The following AHCTF1 variants were observed in gnomAD, a reference collection of about 807,000 sequenced individuals.
AHCTF1 encodes the protein AT-hook containing transcription factor 1.
Under a neutral mutation model 248.4 loss-of-function variants are expected in AHCTF1, and 24 were observed. The observed-to-expected ratio is 0.10, with a 90% CI of 0.07 to 0.14. The LOEUF is 0.14. Ranked by LOEUF, AHCTF1 falls within the 10% of genes least tolerant of loss-of-function variation. The probability of loss-of-function intolerance (pLI) is 1.00; values close to 1 mark genes in which losing one functional copy is unlikely to be tolerated. For synonymous variants in AHCTF1, 786 were observed against 929.8 expected (o/e 0.85, Z 2.81); for missense variants, 2,206 against 2,636.2 (o/e 0.84, Z 3.57).
rs143481519 is a variant in AHCTF1, at chr1:246,927,602, T to C, written c.-8+3976A>G. ...ACAAAATTAAACAGAATCCCAGCCT[T>C]TTATGACATGCCAGCACTGGCAACC... On this transcript the variant is annotated intron_variant, in intron 1 of 35. Coordinates refer to ENST00000648844, the MANE Select transcript of AHCTF1 (RefSeq NM_001323342.2). 4.7e-4 allele frequency among the ~76,000 whole-genome samples: 71 copies of C among 152,384 alleles called. No homozygotes were observed. The East Asian group carries it at 0.013, about 28-fold the overall frequency.
rs546654130 is a variant in AHCTF1 at position 246,904,609 on chromosome 1, T to A, written c.882-576A>T. Among the ~76,000 whole-genome samples the A allele has an allele frequency of 7.9e-5, 12 of 152,146 alleles. No individual in the cohort carries two copies. The East Asian group carries it at 1.2e-3, about 15-fold the overall frequency. ...AGTTGGGGGAAGGGTGGGGAAAAAA[T>A]TTTTTTAAAATATGGATGTTGCCCT... On this transcript the variant is annotated intron_variant, in intron 6 of 35. Transcript: ENST00000648844.
Position 246,922,313 on chromosome 1 carries a change from T to C in AHCTF1, c.-7-3936A>G, listed in dbSNP as rs887335068. 4.6e-5 allele frequency among the ~76,000 whole-genome samples: 7 copies of C among 152,194 alleles called. No homozygotes were observed. The East Asian group carries it at 7.8e-4, about 17-fold the overall frequency. ...AGGCAGAGGTTGCAGTAAGCAGAGA[T>C]TGCACCACTGCACTCCAGCGCGGGT... On this transcript the variant is annotated intron_variant, in intron 1 of 35. Coordinates refer to ENST00000648844, the MANE Select transcript of AHCTF1 (RefSeq NM_001323342.2).
intron 29 of AHCTF1, among the ~76,000 whole-genome samples, chr1:246,858,119 C>T (rs940200756): frequency 5.9e-5 from 9 of 151,978 alleles, no homozygotes; most frequent in Non-Finnish European, 8.8e-5. Flanking sequence ...GCCACCATGC[C>T]CTGCTGATTT....
intron 27 of AHCTF1, 53 bp from the exon 28 acceptor site, chr1:246,862,206 C>T (rs756629135): frequency 2.9e-4 from 421 of 1,438,828 alleles, no homozygotes; most frequent in Non-Finnish European, 3.7e-4. Context: ...ATAGGCCGGG[C>T]GCGGTGGCTC....
Position 246,860,188 on chromosome 1 carries a change from T to TG in AHCTF1, c.4132+710dup, listed in dbSNP as rs57594834. 1.8e-3 allele frequency among the ~76,000 whole-genome samples: 263 copies of TG among 148,974 alleles called. 1 individual carries two copies. Among genetic ancestry groups the TG allele is most frequent in the Middle Eastern group, 0.011 (3 of 280 alleles). On this transcript the variant is annotated intron_variant, in intron 29 of 35. Coordinates refer to ENST00000648844, the MANE Select transcript of AHCTF1 (RefSeq NM_001323342.2). Reference sequence around the variant, plus strand: ...GGCAGAAGAACTGCTTGAACCTGGTTGGGGGGGGGGCGGAGGTTGCAGTGA... The same window carrying TG: ...GGCAGAAGAACTGCTTGAACCTGGTTGGGGGGGGGGGCGGAGGTTGCAGTGA...
intron 1 of AHCTF1, among the ~76,000 whole-genome samples, chr1:246,922,976 C>T (rs1299222540): frequency 1.1e-5 from 1 of 91,954 alleles, no homozygotes; most frequent in Non-Finnish European, 1.9e-5. Context: ...GAGCGAGACT[C>T]TGTCTCAAAA....
chr1:246,911,553 G>A (rs959570163), intron 4 of AHCTF1, among the ~76,000 whole-genome samples: 1 of 142,476 alleles, frequency 7.0e-6, no homozygotes, highest in Non-Finnish European at 1.5e-5. Flanking sequence ...GCGCAATCTC[G>A]GCTCACTGCA....
intron 26 of AHCTF1, chr1:246,865,428 T>C (rs2103075580): frequency 6.6e-6 from 1 of 152,338 alleles, no homozygotes; most frequent in East Asian, 1.9e-4. Flanking sequence ...TGTTACTCTG[T>C]ATCAAACACA....
intron 2 of AHCTF1, among the ~76,000 whole-genome samples, chr1:246,916,780 C>A (rs1241507107): frequency 6.6e-6 from 1 of 152,160 alleles, no homozygotes; most frequent in Non-Finnish European, 1.5e-5. Context: ...ACTGTTTAAC[C>A]TTCCCAAAGT....
intron 24 of AHCTF1, among the ~76,000 whole-genome samples, chr1:246,870,940 A>G (rs1662549338): frequency 6.6e-6 from 1 of 152,192 alleles, no homozygotes; most frequent in Non-Finnish European, 1.5e-5. Context: ...CCTTTTAAAG[A>G]AGACAAACAA....
rs559355413 is a variant in AHCTF1, at chr1:246,894,836, C to T, written c.1715-88G>A. 5.9e-4 allele frequency: 663 copies of T among 1,118,640 alleles called. 13 individuals carry two copies. The South Asian group carries it at 8.5e-3, about 14-fold the overall frequency. 69.3% of individuals were successfully genotyped at this position (1,118,640 alleles called of 1,614,324 possible). A position where few individuals can be genotyped will look rare whatever the true frequency, so the allele number is the denominator to read the frequency against. On this transcript the variant is annotated intron_variant, in intron 13 of 35. Coordinates refer to ENST00000648844, the MANE Select transcript of AHCTF1 (RefSeq NM_001323342.2). Reference sequence around the variant, plus strand: ...GTTGGTGGAGAAGCATGGCAGACAGCACCCTAACCGAGTGAACATCAACAC... The same window carrying T: ...GTTGGTGGAGAAGCATGGCAGACAGTACCCTAACCGAGTGAACATCAACAC...
In AHCTF1 at chr1:246,842,741, C is replaced by T. The variant is rs750851570; in HGVS notation, c.6561G>A (p.Lys2187=). ...DDAQSVETLG[K]PKAKRIRTSK... is the part of the protein sequence containing the mutation. ...ACGTCCTGATTCGTTTCGCTTTTGG[C>T]TTTCCCAGAGTTTCTACTGATTGTG... The change falls in exon 35 of 36, where the codon AAG becomes AAA. Residue 2187 remains lysine, a synonymous_variant. Transcript: ENST00000648844. 1 of 1,613,800 alleles carries T rather than the reference C, an allele frequency of 6.2e-7. No homozygotes were observed. The highest frequency in any genetic ancestry group is 2.2e-5 in the East Asian group (1 of 44,870).
At chr1:246,852,754 T>C (rs1421153520) in intron 32 of AHCTF1, among the ~76,000 whole-genome samples, 1 of 152,112 alleles carries the variant, frequency 6.6e-6, no homozygotes, top group East Asian at 1.9e-4. Flanking sequence ...AACCAGTTTA[T>C]TTATTTATTT....
chr1:246,885,389 T>TA (rs1663743445), intron 21 of AHCTF1, 104 bp downstream of exon 21: 1 of 951,384 alleles, frequency 1.1e-6, no homozygotes, highest in South Asian at 2.1e-5. Flanking sequence ...AGGACTGACT[T>TA]TACTGACTTA....
rs552929147 is a variant in AHCTF1, at chr1:246,839,670, T to C, written c.*1136A>G. On this transcript the variant is annotated 3_prime_UTR_variant, in exon 36 of 36. Transcript: ENST00000648844. The stretch of plus-strand genomic sequence containing the variant: ...ACTGCATATGCTTCACATTAAAATA[T>C]TAAAAGCCCACGAAAGCAGTTCGTT... 14 of 612,558 alleles carry C rather than the reference T, an allele frequency of 2.3e-5. 1 individual carries two copies. The South Asian group carries it at 8.7e-4, about 38-fold the overall frequency. 37.9% of individuals were successfully genotyped at this position (612,558 alleles called of 1,614,324 possible).
At chr1:246,859,904 A>G (rs1457642585) in intron 29 of AHCTF1, among the ~76,000 whole-genome samples, 2 of 152,126 alleles carry the variant, frequency 1.3e-5, no homozygotes, top group Non-Finnish European at 2.9e-5. Context: ...GAGGACAGAG[A>G]GTAGAATGAA....
At chr1:246,884,894 T>C (rs1351806595) in intron 21 of AHCTF1, among the ~76,000 whole-genome samples, 2 of 152,174 alleles carry the variant, frequency 1.3e-5, no homozygotes, top group East Asian at 3.9e-4. Flanking sequence ...TTAACAAAAA[T>C]ATCAGAGTAC....
chr1:246,850,768 G>A lies in AHCTF1; in HGVS notation c.5238C>T (p.Ile1746=), dbSNP rs1428255093. Residue 1746 remains isoleucine (I), a synonymous_variant, in exon 33 of 36, where the codon ATC becomes ATT. Transcript: ENST00000648844. Reference sequence around the variant, plus strand: ...GTGCTGATTTGACATTCACGTTTTGGATACGTTGACCTCTCGTACGAGTTT... The same window carrying A: ...GTGCTGATTTGACATTCACGTTTTGAATACGTTGACCTCTCGTACGAGTTT... ...SSKTRTRGQR[I]QNVNVKSAQQ... 1 of 1,613,620 alleles carries A rather than the reference G, an allele frequency of 6.2e-7. No individual in the cohort carries two copies. The highest frequency in any genetic ancestry group is 8.5e-7 in the Non-Finnish European group (1 of 1,179,814).
intron 21 of AHCTF1, among the ~76,000 whole-genome samples, chr1:246,881,446 G>C (rs1663400755): frequency 6.6e-6 from 1 of 151,960 alleles, no homozygotes; most frequent in Non-Finnish European, 1.5e-5. Flanking sequence ...TTGATCATGG[G>C]GACAAATATA....
Sources: gnomAD v4.1 joint callset for allele counts (sites outside exome capture counted in the v4.1 genomes callset) on GRCh38, gnomAD v4.1.1 for gene constraint, MANE v1.5 for transcripts, NCBI Gene and HGNC (gene_info 2026-07-23, HGNC 2026-07-21) for gene names.